PCDHGB7: variants seen among roughly 807,000 people sequenced by gnomAD.
PCDHGB7 encodes the protein protocadherin gamma subfamily B, 7.
In PCDHGB7, 37 loss-of-function variants were observed where a neutral mutation model predicts 61.4. The observed-to-expected ratio is 0.60, with a 90% CI of 0.46 to 0.79. The LOEUF (loss-of-function observed/expected upper bound fraction) is 0.79, where lower values mean the gene tolerates loss of function less well. Ranked by LOEUF, PCDHGB7 falls within the 30% of genes least tolerant of loss-of-function variation. The pLI is 0.00. For missense variants in PCDHGB7, 1,166 were observed against 1,202.5 expected, an observed-to-expected ratio of 0.97 and a Z score of 0.45; for synonymous variants, 464 against 503.5, an observed-to-expected ratio of 0.92 and a Z score of 1.05.
intron 1 of PCDHGB7, among the ~76,000 whole-genome samples, chr5:141,448,434 G>A (rs2098588755): frequency 1.3e-5 from 2 of 152,052 alleles, no homozygotes; most frequent in Non-Finnish European, 2.9e-5. Context: ...TATATATTGA[G>A]AAGTCTGACT....
intron 1 of PCDHGB7, among the ~76,000 whole-genome samples, chr5:141,494,328 G>T (rs1595238527): frequency 6.6e-6 from 1 of 152,200 alleles, no homozygotes; most frequent in Non-Finnish European, 1.5e-5. Flanking sequence ...CACCAAAAGG[G>T]TTACCAAGAA....
In PCDHGB7 at chr5:141,491,867, T is replaced by A. The variant is rs1424221139; in HGVS notation, c.2416-2940T>A. On this transcript the variant is annotated intron_variant, in intron 1 of 3. Transcript: ENST00000398594. The surrounding 1 kb of genome is among the most constrained non-coding windows in gnomAD (Gnocchi z 6.9). ...TTGGACCGTTTGCGCGAAACCAGAG[T>A]GGCCGATTAAGGGATGGGGCTCCGA... 6.9e-7 allele frequency: 1 copy of A among 1,452,218 alleles called. No homozygotes were observed. The highest frequency in any genetic ancestry group is 9.1e-7 in the Non-Finnish European group (1 of 1,099,056). The allele number at this position is 1,452,218 out of a possible 1,614,324, so 90.0% of individuals were successfully genotyped here. A position where few individuals can be genotyped will look rare whatever the true frequency, so the allele number is the denominator to read the frequency against.
chr5:141,421,586 T>A (rs750525078), intron 1 of PCDHGB7: 2 of 1,613,602 alleles, frequency 1.2e-6, no homozygotes, highest in Admixed American at 3.3e-5. Context: ...ATTTACGGAG[T>A]GGAGGTGGAA....
At position 141,491,518 on chromosome 5, in the gene PCDHGB7, A is replaced by G. The variant is rs756813813; in HGVS notation, c.2416-3289A>G. 3 of 1,613,990 alleles carry G rather than the reference A, an allele frequency of 1.9e-6. No individual in the cohort carries two copies. The highest frequency in any genetic ancestry group is 3.3e-5 in the Admixed American group (2 of 60,028). ...GAGCTCGGACGGCACGCTCAAGTAC[A>G]TGGAGGTGACGCTGCGGCCCACAGA... On this transcript the variant is annotated intron_variant, in intron 1 of 3. Transcript: ENST00000398594. This position sits in a 1 kb window ranked among gnomAD's most constrained non-coding sequence, Gnocchi z 6.9.
chr5:141,423,513 G>C, intron 1 of PCDHGB7: 3 of 1,613,750 alleles, frequency 1.9e-6, no homozygotes, highest in Non-Finnish European at 1.7e-6. Flanking sequence ...CTCTCATTGC[G>C]GACTCGCAGA....
intron 3 of PCDHGB7, among the ~76,000 whole-genome samples, chr5:141,508,986 G>C (rs1298630784): frequency 2.0e-5 from 3 of 152,148 alleles, no homozygotes; most frequent in Non-Finnish European, 4.4e-5. Context: ...GTGGGGGCCA[G>C]CTGGGGTAGG....
intron 1 of PCDHGB7, chr5:141,478,028 G>A (rs2099428840): frequency 6.2e-7 from 1 of 1,614,060 alleles, no homozygotes; most frequent in South Asian, 1.1e-5. Flanking sequence ...CCAAGACACA[G>A]ATTCACCCAG....
chr5:141,474,685 T>G (rs1562045980), intron 1 of PCDHGB7, among the ~76,000 whole-genome samples: 1 of 152,224 alleles, frequency 6.6e-6, no homozygotes, highest in Non-Finnish European at 1.5e-5. Flanking sequence ...GCCTACCCCT[T>G]CACTTATGTT....
Position 141,418,363 on chromosome 5 carries a change from C to T in PCDHGB7, c.504C>T (p.Ser168=), listed in dbSNP as rs147423305. The T allele has an allele frequency of 4.4e-4, 703 of 1,613,984 alleles. No homozygotes were observed. The highest frequency in any genetic ancestry group is 5.5e-4 in the Non-Finnish European group (652 of 1,179,900). The change falls in exon 1 of 4, where the codon AGC becomes AGT. Residue 168 remains serine (S), a synonymous_variant. Transcript: ENST00000398594. ...EDPDISMNSL[S]KYQLSPNEYF... Reference sequence around the variant, plus strand: ...CTGATATTAGTATGAATTCGCTGAGCAAATACCAACTAAGTCCTAACGAGT... The same window carrying T: ...CTGATATTAGTATGAATTCGCTGAGTAAATACCAACTAAGTCCTAACGAGT...
At chr5:141,494,889 A>G (rs2099757275) in intron 2 of PCDHGB7, 24 bp downstream of exon 2, 1 of 1,613,844 alleles carries the variant, frequency 6.2e-7, no homozygotes, top group Admixed American at 1.7e-5. Context: ...TCTCCAGCCC[A>G]CCCTCTTCTC....
At chr5:141,446,263 C>T (rs2098496356) in intron 1 of PCDHGB7, among the ~76,000 whole-genome samples, 1 of 152,010 alleles carries the variant, frequency 6.6e-6, no homozygotes, top group East Asian at 1.9e-4. Flanking sequence ...ATATTATTAA[C>T]TGAATAAATA....
chr5:141,510,833 C>G, intron 3 of PCDHGB7, 114 bp from the exon 4 acceptor site: 2 of 1,577,796 alleles, frequency 1.3e-6, no homozygotes, highest in Admixed American at 1.7e-5. Context: ...CAGTGCTCAG[C>G]GTGGTCAAGG....
intron 1 of PCDHGB7, among the ~76,000 whole-genome samples, chr5:141,438,119 A>G (rs2097930168): frequency 6.6e-6 from 1 of 152,220 alleles, no homozygotes; most frequent in Non-Finnish European, 1.5e-5. Flanking sequence ...ATGCATTCCT[A>G]AAATATTAAT....
At chr5:141,423,757 G>C (rs562479446) in intron 1 of PCDHGB7, 29 of 395,138 alleles carry the variant, frequency 7.3e-5, no homozygotes, top group African/African-American at 6.1e-4. Flanking sequence ...GTTTGGGGGG[G>C]GGGTGGGGCG....
intron 1 of PCDHGB7, among the ~76,000 whole-genome samples, chr5:141,472,039 A>T (rs913132856): frequency 1.3e-5 from 2 of 152,200 alleles, no homozygotes; most frequent in Non-Finnish European, 2.9e-5. Context: ...AGCTGTGAAA[A>T]GATTTTAAAA....
At chr5:141,510,124 A>G (rs2099879540) in intron 3 of PCDHGB7, among the ~76,000 whole-genome samples, 1 of 152,156 alleles carries the variant, frequency 6.6e-6, no homozygotes, top group Admixed American at 6.5e-5. Context: ...AAATACAAAA[A>G]TTAGCTGGGC....
intron 1 of PCDHGB7, among the ~76,000 whole-genome samples, chr5:141,467,047 A>G (rs1271306217): frequency 1.3e-5 from 2 of 149,986 alleles, no homozygotes; most frequent in East Asian, 3.9e-4. Context: ...GTAATGAATC[A>G]ATGTTTTCTT....
chr5:141,418,595 G>T lies in PCDHGB7; in HGVS notation c.736G>T (p.Val246Leu), dbSNP rs1331897624. ...NDNPPVFSQD[V>L]YRVSLREDVP... ...CAACCCCCCAGTGTTCAGCCAGGAC[G>T]TGTACAGGGTTAGCCTTCGGGAAGA... Residue 246 changes from valine (V) to leucine (L), a missense_variant, in exon 1 of 4, where the codon GTG becomes TTG. Val to Leu is a conservative substitution (Grantham distance 32). Transcript: ENST00000398594. 9 of 1,613,928 alleles carry T rather than the reference G, an allele frequency of 5.6e-6. No homozygotes were observed. Among genetic ancestry groups the T allele is most frequent in the Non-Finnish European group, 7.6e-6 (9 of 1,179,916 alleles).
intron 1 of PCDHGB7, chr5:141,430,604 A>C (rs1288378907): frequency 7.8e-6 from 5 of 641,158 alleles, no homozygotes; most frequent in Non-Finnish European, 1.2e-5. Context: ...CGCCTGAAGC[A>C]CAAAGCAGAT....
Sources: allele counts gnomAD v4.1 joint callset (sites outside exome capture counted in the v4.1 genomes callset), GRCh38; gene constraint gnomAD v4.1.1; non-coding constraint Gnocchi (gnomAD v3.1); transcripts MANE v1.5; gene names NCBI Gene and HGNC (gene_info 2026-07-23, HGNC 2026-07-21).